Variants in DAB1 observed in about 807,000 individuals in gnomAD.
The protein encoded by DAB1 is DAB adaptor protein 1, also known as disabled homolog 1.
In DAB1, 15 loss-of-function variants were observed where a neutral mutation model predicts 64.6. That is an observed-to-expected ratio of 0.23 (90% CI 0.16 to 0.36). The LOEUF is 0.36. Ranked by LOEUF, DAB1 falls within the 10% of genes least tolerant of loss-of-function variation. The pLI is 1.00. For synonymous variants in DAB1, 235 were observed against 251.9 expected, an observed-to-expected ratio of 0.93 and a Z score of 0.64; for missense variants, 596 against 706.7, an observed-to-expected ratio of 0.84 and a Z score of 1.78.
intron 5 of DAB1, among the ~76,000 whole-genome samples, chr1:58,114,688 G>C (rs564668806): frequency 6.6e-6 from 1 of 152,272 alleles, no homozygotes; most frequent in Non-Finnish European, 1.5e-5. Flanking sequence ...ACATACTATT[G>C]ATCCTTTGCT....
chr1:57,636,237 C>T (rs1260701317), intron 7 of DAB1, among the ~76,000 whole-genome samples: 2 of 152,086 alleles, frequency 1.3e-5, no homozygotes, highest in African/African-American at 2.4e-5. Flanking sequence ...CGGCTCCCTA[C>T]AATTCAGGAA....
Position 57,464,721 on chromosome 1 carries a change from TATC to T in DAB1, n.626-173558_626-173556del, listed in dbSNP as rs76172747. 5.1e-3 allele frequency among the ~76,000 whole-genome samples: 776 copies of T among 152,288 alleles called. 4 individuals are homozygous for T. The highest frequency in any genetic ancestry group is 8.9e-3 in the Non-Finnish European group (604 of 68,014). On this transcript the variant is annotated intron_variant and non_coding_transcript_variant, in intron 7 of 20. Transcript: ENST00000485760. ...TAATAAGAAATTCTTCCTGGAGTCTTATCATACTGTTTCCACAGATGGGAAAAA... is the reference window on the plus strand; with the variant it reads ...TAATAAGAAATTCTTCCTGGAGTCTTATACTGTTTCCACAGATGGGAAAAA...
Position 58,254,106 on chromosome 1 carries a change from A to G in DAB1, n.309+89246T>C, listed in dbSNP as rs550408966. Among the ~76,000 whole-genome samples the G allele has an allele frequency of 5.9e-5, 9 of 151,938 alleles. No individual in the cohort carries two copies. The East Asian group carries it at 1.8e-3, about 30-fold the overall frequency. On this transcript the variant is annotated intron_variant and non_coding_transcript_variant, in intron 4 of 20. Coordinates refer to the DAB1 transcript ENST00000485760. ...GGACCACCCTGCACACATTCACCAC[A>G]TTCACTTCAGATCCACACTCAAGGG...
chr1:57,304,900 G>A (rs1046585040), intron 1 of DAB1, among the ~76,000 whole-genome samples: 1 of 151,954 alleles, frequency 6.6e-6, no homozygotes, highest in Admixed American at 6.5e-5. Context: ...GCTCTAGTTC[G>A]GCAAATCTCC....
At position 58,013,433 on chromosome 1, in the gene DAB1, C is replaced by A. The variant is rs879585283; in HGVS notation, n.388-129271G>T. Among the ~76,000 whole-genome samples, 7 of 152,110 alleles carry A rather than the reference C, an allele frequency of 4.6e-5. No homozygotes were observed. In the East Asian group the frequency reaches 1.3e-3, roughly 29 times the overall value. The stretch of plus-strand genomic sequence containing the variant: ...ACAGGACATCAGGCACTTCAGAGAC[C>A]ACAGCAGGGGGCGCCTGAGCCACAT... On this transcript the variant is annotated intron_variant and non_coding_transcript_variant, in intron 5 of 20. Coordinates refer to the DAB1 transcript ENST00000485760.
At chr1:58,460,557 G>T (rs1486291397) in intron 3 of DAB1, among the ~76,000 whole-genome samples, 2 of 152,138 alleles carry the variant, frequency 1.3e-5, no homozygotes, top group Admixed American at 6.5e-5. Context: ...AGGAAGAAAT[G>T]AATAGTTACT....
chr1:57,923,153 G>C (rs998165560), intron 5 of DAB1, among the ~76,000 whole-genome samples: 1 of 152,006 alleles, frequency 6.6e-6, no homozygotes, highest in African/African-American at 2.4e-5. Flanking sequence ...TAAAGAGATG[G>C]AACAGGAAAG....
chr1:57,258,064 A>G (rs1266889118), intron 2 of DAB1, among the ~76,000 whole-genome samples: 1 of 152,218 alleles, frequency 6.6e-6, no homozygotes, highest in East Asian at 1.9e-4. Context: ...ACTAGTAAAT[A>G]ATCCATTTCC....
At chr1:57,805,346 G>T (rs1052091352) in intron 6 of DAB1, among the ~76,000 whole-genome samples, 2 of 152,102 alleles carry the variant, frequency 1.3e-5, no homozygotes, top group African/African-American at 2.4e-5. Context: ...ATTCACCAAG[G>T]TTTCACTAAT....
At chr1:57,025,632 C>A (rs1646760258) in intron 10 of DAB1, among the ~76,000 whole-genome samples, 1 of 152,192 alleles carries the variant, frequency 6.6e-6, no homozygotes, top group Non-Finnish European at 1.5e-5. Context: ...TGCCTACAAT[C>A]CCAACCAGAC....
At chr1:58,050,356 G>A (rs1342429063) in intron 5 of DAB1, among the ~76,000 whole-genome samples, 2 of 152,114 alleles carry the variant, frequency 1.3e-5, no homozygotes, top group Non-Finnish European at 2.9e-5. Flanking sequence ...AGTAAGACAG[G>A]TATTCAGTTA....
chr1:57,321,241 CAT>C (rs1221093467), intron 1 of DAB1, among the ~76,000 whole-genome samples: 2 of 152,164 alleles, frequency 1.3e-5, no homozygotes, highest in African/African-American at 4.8e-5. Context: ...GAAGTATTCA[CAT>C]GTTACTGAGG....
At chr1:58,536,757 A>G (rs751099514) in intron 1 of DAB1, 52 of 865,320 alleles carry the variant, frequency 6.0e-5, no homozygotes, top group Non-Finnish European at 9.6e-5. Context: ...GCAAAAAGAA[A>G]AATTCAAAGT....
intron 9 of DAB1, among the ~76,000 whole-genome samples, chr1:57,057,703 G>A (rs1338390592): frequency 6.6e-6 from 1 of 151,744 alleles, no homozygotes; most frequent in African/African-American, 2.4e-5. Context: ...TGCCTCCCGG[G>A]TTCACACCAT....
chr1:58,019,464 A>G (rs1646786260), intron 5 of DAB1, among the ~76,000 whole-genome samples: 1 of 152,210 alleles, frequency 6.6e-6, no homozygotes, highest in Admixed American at 6.5e-5. Flanking sequence ...AAGAGAATAA[A>G]CTAACAATTA....
intron 1 of DAB1, among the ~76,000 whole-genome samples, chr1:57,837,934 C>T (rs1182122665): frequency 6.6e-6 from 1 of 151,862 alleles, no homozygotes; most frequent in Non-Finnish European, 1.5e-5. Flanking sequence ...TTCCATCACC[C>T]CAATCCCCAG....
Position 57,023,590 on chromosome 1 carries a change from A to G in DAB1, c.836T>C (p.Leu279Pro). 6.2e-7 allele frequency: 1 copy of G among 1,612,746 alleles called. No individual in the cohort carries two copies. Among genetic ancestry groups the G allele is most frequent in the African/African-American group, 1.3e-5 (1 of 75,046 alleles). ...DAFIPSSSQT[L>P]PASADVFSSV... ...ACTAAACACATCTGCACTCGCTGGA[A>G]GGGTCTGAGATGAAGATGGGATAAA... is the stretch of plus-strand genomic sequence containing the variant. Residue 279 changes from leucine to proline, a missense_variant, in exon 11 of 15, where the codon CTT becomes CCT. This residue lies in a region of DAB1 where 377 missense variants were observed against 400.4 expected (regional missense o/e 0.94). Transcript: ENST00000371236.
chr1:58,443,334 C>T (rs963717376), intron 3 of DAB1, among the ~76,000 whole-genome samples: 2 of 152,210 alleles, frequency 1.3e-5, no homozygotes, highest in African/African-American at 2.4e-5. Flanking sequence ...GTTAATGTAA[C>T]AAAAGTGTTA....
At chr1:58,054,527 T>C (rs879675060) in intron 5 of DAB1, among the ~76,000 whole-genome samples, 1 of 152,178 alleles carries the variant, frequency 6.6e-6, no homozygotes, top group Non-Finnish European at 1.5e-5. Context: ...ATCTCCTAAC[T>C]GCAATGAACG....
Sources: gnomAD v4.1 joint callset for allele counts (sites outside exome capture counted in the v4.1 genomes callset) on GRCh38, gnomAD v4.1.1 for gene constraint, gnomAD v4.1.1 regional missense constraint, MANE v1.5 for transcripts, NCBI Gene and HGNC (gene_info 2026-07-23, HGNC 2026-07-21) for gene names.